Variants in TMEM233 observed in about 807,000 individuals in gnomAD.
The protein encoded by TMEM233 is dispanin subfamily B member 2.
In TMEM233, 6 loss-of-function variants were observed where a neutral mutation model predicts 11.2. That is an observed-to-expected ratio of 0.54 (90% CI 0.29 to 1.06). TMEM233 has a LOEUF of 1.06. TMEM233 is among the 50% of genes least tolerant of loss of function. TMEM233 has a pLI of 0.08. For synonymous variants in TMEM233, 59 were observed against 55.8 expected (o/e 1.06, Z -0.26); for missense variants, 127 against 144.7 (o/e 0.88, Z 0.63).
At chr12:119,596,638 G>A (rs1390921396) in intron 1 of TMEM233, among the ~76,000 whole-genome samples, 1 of 151,706 alleles carries the variant, frequency 6.6e-6, no homozygotes, top group Non-Finnish European at 1.5e-5. Flanking sequence ...GACTACAGAC[G>A]CCGGCCACCA....
downstream of TMEM233, among the ~76,000 whole-genome samples, chr12:119,647,516 T>A (rs919445435): frequency 6.6e-6 from 1 of 152,250 alleles, no homozygotes; most frequent in Non-Finnish European, 1.5e-5. Flanking sequence ...CCCCTAGATA[T>A]GGGCTCTAGT....
At chr12:119,632,117 G>A (rs894214763) in intron 2 of TMEM233, among the ~76,000 whole-genome samples, 2 of 152,196 alleles carry the variant, frequency 1.3e-5, no homozygotes, top group Middle Eastern at 3.2e-3. Flanking sequence ...AGCTAAGTGG[G>A]TTATAATAAT....
At chr12:119,648,939 T>G in the TMEM233 span, among the ~76,000 whole-genome samples, 1 of 152,198 alleles carries the variant, frequency 6.6e-6, no homozygotes, top group Non-Finnish European at 1.5e-5. Flanking sequence ...CACATATTCC[T>G]TATCGTGATG....
At chr12:119,629,456 G>A (rs367840012) in intron 1 of TMEM233, among the ~76,000 whole-genome samples, 4 of 152,138 alleles carry the variant, frequency 2.6e-5, no homozygotes, top group East Asian at 1.9e-4. Context: ...CCCTGCCCAC[G>A]TTGCACTTAC....
chr12:119,594,854 T>G lies in TMEM233; in HGVS notation c.186+820T>G, dbSNP rs1954003409. 6.6e-6 allele frequency among the ~76,000 whole-genome samples: 1 copy of G among 152,038 alleles called. No individual in the cohort carries two copies. The highest frequency in any genetic ancestry group is 2.1e-4 in the South Asian group (1 of 4,816). On this transcript the variant is annotated intron_variant, in intron 1 of 2. Transcript: ENST00000426426. The surrounding 1 kb of genome is among the most constrained non-coding windows in gnomAD (Gnocchi z 5.6). ...CTCTTTCTACCCAGCGCGTCGTAGT[T>G]CCTCCCCGTTTGCTGCGCACTGGCC...
chr12:119,605,288 T>G (rs1954251147), intron 1 of TMEM233, among the ~76,000 whole-genome samples: 1 of 151,958 alleles, frequency 6.6e-6, no homozygotes, highest in Non-Finnish European at 1.5e-5. Context: ...ATAAGAAAGC[T>G]CTCCTCCTTA....
At chr12:119,652,834 T>C in the TMEM233 span, among the ~76,000 whole-genome samples, 1 of 152,040 alleles carries the variant, frequency 6.6e-6, no homozygotes, top group Non-Finnish European at 1.5e-5. Context: ...TCTACCAAAT[T>C]AGAGAAACTT....
At chr12:119,637,592 G>T (rs1190281500) in intron 2 of TMEM233, among the ~76,000 whole-genome samples, 1 of 152,190 alleles carries the variant, frequency 6.6e-6, no homozygotes, top group Admixed American at 6.5e-5. Flanking sequence ...TTTTTGGCTG[G>T]GGAAAGGCTT....
chr12:119,602,342 T>G (rs1954185553), intron 1 of TMEM233, among the ~76,000 whole-genome samples: 1 of 152,244 alleles, frequency 6.6e-6, no homozygotes. Context: ...GAGCACCAAA[T>G]GCTGATTCAT....
chr12:119,612,622 G>A (rs917667382), intron 1 of TMEM233, among the ~76,000 whole-genome samples: 2 of 151,218 alleles, frequency 1.3e-5, no homozygotes, highest in African/African-American at 2.4e-5. Context: ...CGTGGTGGCG[G>A]GCACCTGTAG....
chr12:119,610,417 G>A (rs1365677916), intron 1 of TMEM233, among the ~76,000 whole-genome samples: 1 of 152,144 alleles, frequency 6.6e-6, no homozygotes, highest in Non-Finnish European at 1.5e-5. Flanking sequence ...TTTGTGTCTT[G>A]AAATGTGAGG....
intron 1 of TMEM233, among the ~76,000 whole-genome samples, chr12:119,612,285 G>A (rs943845523): frequency 5.9e-5 from 9 of 151,694 alleles, no homozygotes; most frequent in Non-Finnish European, 8.8e-5. Context: ...GAGCCACTGC[G>A]CCCAGCCCTG....
intron 1 of TMEM233, among the ~76,000 whole-genome samples, chr12:119,616,481 G>C (rs1193876815): frequency 2.0e-5 from 3 of 152,194 alleles, no homozygotes; most frequent in African/African-American, 7.2e-5. Flanking sequence ...GTTGGCTTAT[G>C]AAATTATGAG....
chr12:119,650,685 C>G, the TMEM233 span, among the ~76,000 whole-genome samples: 1,915 of 152,300 alleles, frequency 0.013, 46 homozygotes, highest in African/African-American at 0.044. Flanking sequence ...CTCTGTTGCC[C>G]AGGCTGGGGT....
intron 2 of TMEM233, chr12:119,631,796 A>G (rs1954892754): frequency 3.5e-6 from 1 of 289,566 alleles, no homozygotes; most frequent in Non-Finnish European, 5.2e-6. Flanking sequence ...TCACCTGTAA[A>G]ATGAGAATAA....
At chr12:119,612,750 C>CA (rs35540796) in intron 1 of TMEM233, among the ~76,000 whole-genome samples, 1,538 of 108,512 alleles carry the variant, frequency 0.014, 41 homozygotes, top group African/African-American at 0.052. Flanking sequence ...GACTCCGTCT[C>CA]AAAAAAAAAA....
chr12:119,627,567 T>C (rs1436209257), intron 1 of TMEM233, among the ~76,000 whole-genome samples: 1 of 152,032 alleles, frequency 6.6e-6, no homozygotes, highest in Non-Finnish European at 1.5e-5. Flanking sequence ...CCAGGCTCTT[T>C]TAAACAACCA....
downstream of TMEM233, among the ~76,000 whole-genome samples, chr12:119,647,194 C>T (rs1482909024): frequency 6.6e-6 from 1 of 152,132 alleles, no homozygotes; most frequent in African/African-American, 2.4e-5. Flanking sequence ...CCATACCCAG[C>T]CTTTAAAATC....
intron 1 of TMEM233, among the ~76,000 whole-genome samples, chr12:119,628,114 G>T (rs1954800369): frequency 1.3e-5 from 2 of 152,146 alleles, no homozygotes; most frequent in Non-Finnish European, 2.9e-5. Context: ...CTCAACCAGG[G>T]CTCTAATGCT....
Sources: gnomAD v4.1 joint callset for allele counts (sites outside exome capture counted in the v4.1 genomes callset) on GRCh38, gnomAD v4.1.1 for gene constraint, Gnocchi (gnomAD v3.1) non-coding constraint, MANE v1.5 for transcripts, NCBI Gene and HGNC (gene_info 2026-07-23, HGNC 2026-07-21) for gene names.